Variants in MACROD2 observed in about 807,000 individuals in gnomAD.
MACROD2 encodes the protein mono-ADP ribosylhydrolase 2.
A neutral mutation model predicts 70.4 loss-of-function variants in MACROD2; 36 were observed. The ratio of observed to expected loss-of-function variants is 0.51; its 90% CI spans 0.39 to 0.68. MACROD2 has a LOEUF of 0.68. MACROD2 is among the 30% of genes least tolerant of loss of function. MACROD2 has a pLI of 0.00. For missense variants in MACROD2, 496 were observed against 538.4 expected, an observed-to-expected ratio of 0.92 and a Z score of 0.78; for synonymous variants, 172 against 178.8, an observed-to-expected ratio of 0.96 and a Z score of 0.30.
intron 5 of MACROD2, among the ~76,000 whole-genome samples, chr20:15,073,241 GACTCTT>G (rs2075632396): frequency 6.6e-6 from 1 of 152,002 alleles, no homozygotes; most frequent in Non-Finnish European, 1.5e-5. Context: ...TATATTTGAA[GACTCTT>G]GAAAAACTAT....
At chr20:14,164,078 C>G (rs977510737) in intron 3 of MACROD2, among the ~76,000 whole-genome samples, 2 of 151,314 alleles carry the variant, frequency 1.3e-5, no homozygotes, top group East Asian at 3.9e-4. Context: ...CTTCTTTCAA[C>G]TTTTTTGAGT....
intron 3 of MACROD2, among the ~76,000 whole-genome samples, chr20:14,347,367 A>C (rs981919953): frequency 6.6e-6 from 1 of 152,174 alleles, no homozygotes; most frequent in Non-Finnish European, 1.5e-5. Context: ...TGAATTATAG[A>C]GGCCAATTAT....
intron 8 of MACROD2, among the ~76,000 whole-genome samples, chr20:15,751,740 TTC>T (rs1385717047): frequency 6.6e-6 from 1 of 151,824 alleles, no homozygotes; most frequent in African/African-American, 2.4e-5. Flanking sequence ...GGTTCAGAAA[TTC>T]TCTCCTGACC....
intron 4 of MACROD2, among the ~76,000 whole-genome samples, chr20:14,679,245 T>C (rs2070900072): frequency 6.6e-6 from 1 of 152,162 alleles, no homozygotes; most frequent in Admixed American, 6.5e-5. Context: ...TTGTAAATGG[T>C]TTCTTAAAAG....
At chr20:14,109,366 A>G (rs1291799164) in intron 3 of MACROD2, among the ~76,000 whole-genome samples, 1 of 151,928 alleles carries the variant, frequency 6.6e-6, no homozygotes, top group East Asian at 1.9e-4. Flanking sequence ...AAGAGCAAAT[A>G]AAACCCAAAA....
At chr20:14,670,014 T>C (rs891499443) in intron 4 of MACROD2, among the ~76,000 whole-genome samples, 5 of 152,032 alleles carry the variant, frequency 3.3e-5, no homozygotes, top group African/African-American at 9.7e-5. Flanking sequence ...ACGAGGATGC[T>C]CTTGAGAAAG....
chr20:14,190,703 T>TAC (rs2081379841), intron 3 of MACROD2, among the ~76,000 whole-genome samples: 3 of 25,118 alleles, frequency 1.2e-4, no homozygotes, highest in Admixed American at 8.4e-4. Context: ...TATATATTTT[T>TAC]TTTTTTTTTT....
intron 6 of MACROD2, among the ~76,000 whole-genome samples, chr20:15,369,708 A>T (rs1053269054): frequency 1.4e-4 from 21 of 152,172 alleles, no homozygotes; most frequent in Admixed American, 7.2e-4. Context: ...TTTTGCAAAA[A>T]GAAGTGGAGA....
intron 5 of MACROD2, among the ~76,000 whole-genome samples, chr20:14,885,621 C>T (rs1248387860): frequency 6.6e-6 from 1 of 152,156 alleles, no homozygotes; most frequent in Non-Finnish European, 1.5e-5. Context: ...GCTTCCAAGG[C>T]CCTGCAGGAT....
intron 3 of MACROD2, among the ~76,000 whole-genome samples, chr20:14,257,470 A>G (rs547344481): frequency 1.4e-4 from 22 of 152,154 alleles, no homozygotes; most frequent in Non-Finnish European, 2.6e-4. Context: ...AAAGTACAGT[A>G]AAAGAAAAAG....
At chr20:16,047,975 C>G (rs189863157) in intron 17 of MACROD2, among the ~76,000 whole-genome samples, 1 of 152,156 alleles carries the variant, frequency 6.6e-6, no homozygotes, top group Admixed American at 6.5e-5. Context: ...AAAAAGGCTC[C>G]CAAGATAGAT....
chr20:16,009,864 A>G (rs1420793346), intron 15 of MACROD2, among the ~76,000 whole-genome samples: 1 of 152,230 alleles, frequency 6.6e-6, no homozygotes, highest in East Asian at 1.9e-4. Context: ...GAAAAACTCA[A>G]CATCCCCAAA....
chr20:15,502,180 T>C (rs1600502683), intron 8 of MACROD2, among the ~76,000 whole-genome samples: 1 of 152,122 alleles, frequency 6.6e-6, no homozygotes, highest in East Asian at 1.9e-4. Flanking sequence ...AACAGGGCAA[T>C]TGGAGAATGT....
intron 6 of MACROD2, among the ~76,000 whole-genome samples, chr20:15,417,639 G>T (rs886642700): frequency 8.2e-6 from 1 of 121,852 alleles, no homozygotes; most frequent in Admixed American, 8.2e-5. Context: ...GAAAAGAAAA[G>T]AAAAAAAAAA....
chr20:14,795,537 C>A (rs1160153745), intron 5 of MACROD2, among the ~76,000 whole-genome samples: 1 of 151,942 alleles, frequency 6.6e-6, no homozygotes, highest in African/African-American at 2.4e-5. Context: ...GAATAGATAC[C>A]TGAAAGAGTG....
At chr20:14,599,899 G>A (rs987185253) in intron 4 of MACROD2, among the ~76,000 whole-genome samples, 14 of 152,060 alleles carry the variant, frequency 9.2e-5, no homozygotes, top group African/African-American at 3.4e-4. Flanking sequence ...ATGTGGAGGA[G>A]GGTGGCACTG....
At chr20:14,144,721 C>A (rs920297873) in intron 3 of MACROD2, among the ~76,000 whole-genome samples, 1 of 152,162 alleles carries the variant, frequency 6.6e-6, no homozygotes, top group Non-Finnish European at 1.5e-5. Context: ...CCTTCAGCGA[C>A]CTTTAGAAGC....
chr20:15,778,429 C>G (rs953129647), intron 8 of MACROD2, among the ~76,000 whole-genome samples: 1 of 152,008 alleles, frequency 6.6e-6, no homozygotes, highest in African/African-American at 2.4e-5. Context: ...TTTTTAAATT[C>G]TATTCATAAG....
At position 15,535,971 on chromosome 20, in the gene MACROD2, T is replaced by C. The variant is rs1372009877; in HGVS notation, c.645+36124T>C. 4.6e-5 allele frequency among the ~76,000 whole-genome samples: 7 copies of C among 152,082 alleles called. No individual in the cohort carries two copies. The South Asian group carries it at 1.0e-3, about 23-fold the overall frequency. ...AAGGGTAGGAGTGGCTGGACTGAAA[T>C]TGAAGTAGTAATTTGAGGTGTCACA... On this transcript the variant is annotated intron_variant, in intron 8 of 17. Coordinates refer to ENST00000684519, the MANE Select transcript of MACROD2 (RefSeq NM_001351661.2).
Sources: gnomAD v4.1 joint callset for allele counts (sites outside exome capture counted in the v4.1 genomes callset) on GRCh38, gnomAD v4.1.1 for gene constraint, MANE v1.5 for transcripts, NCBI Gene and HGNC (gene_info 2026-07-23, HGNC 2026-07-21) for gene names.